GPAM: variants seen among roughly 807,000 people sequenced by gnomAD.
GPAM encodes the protein glycerol-3-phosphate acyltransferase 1, mitochondrial.
GPAM carries 56 observed loss-of-function variants against 105.0 expected under a neutral mutation model. That is an observed-to-expected ratio of 0.53 (90% CI 0.43 to 0.67). GPAM has a LOEUF of 0.67. Among genes scored for constraint, GPAM ranks in the 30% least tolerant of loss-of-function variants. The pLI is 0.00. For synonymous variants in GPAM, 368 were observed against 354.4 expected, an observed-to-expected ratio of 1.04 and a Z score of -0.43; for missense variants, 855 against 989.8, an observed-to-expected ratio of 0.86 and a Z score of 1.83.
chr10:112,168,743 C>G (rs1847262349), intron 10 of GPAM, 110 bp downstream of exon 10: 1 of 807,902 alleles, frequency 1.2e-6, no homozygotes, highest in Admixed American at 1.8e-5. Context: ...AATAATCACT[C>G]CAGTTACTCA....
At position 112,151,461 on chromosome 10, in the gene GPAM, T is replaced by C. The variant is rs1242977898; in HGVS notation, c.*2089A>G. On this transcript the variant is annotated 3_prime_UTR_variant, in exon 22 of 22. Transcript: ENST00000348367. ...TTAAAAAAGATTTTCAAAGCACCAG[T>C]TAATTACAAAAAGCATGCATATTTA... 1 of 985,666 alleles carries C rather than the reference T, an allele frequency of 1.0e-6. No homozygotes were observed. The highest frequency in any genetic ancestry group is 1.7e-5 in the African/African-American group (1 of 57,232). The allele number at this position is 985,666 out of a possible 1,614,324, so 61.1% of individuals were successfully genotyped here.
chr10:112,183,842 G>A (rs931837205), upstream of GPAM: 3 of 152,336 alleles, frequency 2.0e-5, no homozygotes, highest in Non-Finnish European at 4.4e-5. Flanking sequence ...GGCCCGGCCT[G>A]CGAGCCTCAG....
At chr10:112,197,602 G>A (rs1363408365) in intron 1 of GPAM, among the ~76,000 whole-genome samples, 1 of 149,460 alleles carries the variant, frequency 6.7e-6, no homozygotes, top group Admixed American at 6.7e-5. Context: ...TCATCATCTA[G>A]CATTAGGTAT....
chr10:112,186,056 TGAA>T (rs1429125453), upstream of GPAM, among the ~76,000 whole-genome samples: 4 of 151,442 alleles, frequency 2.6e-5, no homozygotes, highest in African/African-American at 9.7e-5. Context: ...AGTAGAAACA[TGAA>T]GAAAACCATA....
chr10:112,184,234 A>T (rs1001486179), upstream of GPAM, among the ~76,000 whole-genome samples: 1 of 152,214 alleles, frequency 6.6e-6, no homozygotes, highest in African/African-American at 2.4e-5. Context: ...AAAAGAAGCA[A>T]ATAAGGCTTG....
At chr10:112,193,615 G>A (rs919913507) in intron 1 of GPAM, among the ~76,000 whole-genome samples, 1 of 152,156 alleles carries the variant, frequency 6.6e-6, no homozygotes, top group Non-Finnish European at 1.5e-5. Context: ...TCTGTAAAGT[G>A]GCAGAAACAC....
At chr10:112,178,667 A>C (rs1395656035) in intron 4 of GPAM, among the ~76,000 whole-genome samples, 2 of 152,224 alleles carry the variant, frequency 1.3e-5, no homozygotes, top group Non-Finnish European at 2.9e-5. Flanking sequence ...GTGAAGCTAC[A>C]AGAATGTCAG....
chr10:112,190,244 G>A (rs1278214089), intron 1 of GPAM, among the ~76,000 whole-genome samples: 1 of 152,182 alleles, frequency 6.6e-6, no homozygotes, highest in Non-Finnish European at 1.5e-5. Context: ...AGGGGTGGCA[G>A]TGAAGGTGAC....
intron 19 of GPAM, chr10:112,156,364 A>C (rs1814783649): frequency 2.8e-6 from 1 of 358,772 alleles, no homozygotes; most frequent in Admixed American, 4.1e-5. Context: ...ATCACTAAAA[A>C]TAGCCGCTCC....
Position 112,154,691 on chromosome 10 carries a change from A to AAG in GPAM, c.2312-6_2312-5dup. 1 of 1,599,670 alleles carries AAG rather than the reference A, an allele frequency of 6.3e-7. No homozygotes were observed. The highest frequency in any genetic ancestry group is 8.6e-7 in the Non-Finnish European group (1 of 1,166,912). On this transcript the variant is annotated splice_region_variant and splice_polypyrimidine_tract_variant and intron_variant, in intron 20 of 21. Transcript: ENST00000348367. ...AGACAATATGTGGCACTCTCAGCTG[A>AAG]AGAGAGAGAATAAAACCCTGTCAAA...
intron 11 of GPAM, among the ~76,000 whole-genome samples, chr10:112,167,174 T>C (rs74156590): frequency 0.013 from 1,919 of 152,268 alleles, 36 homozygotes; most frequent in African/African-American, 0.045. Flanking sequence ...ACTTAATTTC[T>C]AAAGCCTCTG....
intron 14 of GPAM, among the ~76,000 whole-genome samples, chr10:112,162,850 G>A (rs1274791369): frequency 6.6e-6 from 1 of 151,866 alleles, no homozygotes; most frequent in African/African-American, 2.4e-5. Flanking sequence ...ATTATTTTTT[G>A]TATCCAGATT....
intron 1 of GPAM, among the ~76,000 whole-genome samples, chr10:112,195,676 T>G (rs1055044873): frequency 6.6e-6 from 1 of 152,262 alleles, no homozygotes; most frequent in Non-Finnish European, 1.5e-5. Context: ...TAAATGGCAT[T>G]CTTGACTTTT....
At chr10:112,217,952 G>T (rs1847987299), upstream of GPAM, among the ~76,000 whole-genome samples, 2 of 152,192 alleles carry the variant, frequency 1.3e-5, no homozygotes, top group African/African-American at 4.8e-5. Flanking sequence ...GGACTTCATT[G>T]TTTATGGAGA....
intron 17 of GPAM, among the ~76,000 whole-genome samples, chr10:112,159,310 T>A (rs74429467): frequency 0.1 from 14,048 of 140,034 alleles, 896 homozygotes; most frequent in South Asian, 0.2. Context: ...ATCCTCCGCC[T>A]CCCAGGTTCA....
Position 112,150,361 on chromosome 10 carries a change from T to C in GPAM, c.*3189A>G, listed in dbSNP as rs1846892864. On this transcript the variant is annotated 3_prime_UTR_variant, in exon 22 of 22. Transcript: ENST00000348367. ...AATTCATCCATGTATTCTGATACGT[T>C]CAGTGAAAAAGCCAGGATCATTGGG... The C allele has an allele frequency of 1.0e-6, 1 of 985,158 alleles. No homozygotes were observed. Among genetic ancestry groups the C allele is most frequent in the African/African-American group, 1.7e-5 (1 of 57,232 alleles). 61.0% of individuals were successfully genotyped at this position (985,158 alleles called of 1,614,324 possible).
rs1252344375 is a variant in GPAM, at chr10:112,190,952, T to A, written n.211-8061A>T. Among the ~76,000 whole-genome samples the A allele has an allele frequency of 2.1e-4, 32 of 152,172 alleles. 1 individual carries two copies. The highest frequency in any genetic ancestry group is 2.0e-3 in the Admixed American group (31 of 15,276). ...CTAAAATATTTGTGATATTTCTTCTTACATACACACTTGCTTCCAAGTCTT... is the reference window on the plus strand; with the variant it reads ...CTAAAATATTTGTGATATTTCTTCTAACATACACACTTGCTTCCAAGTCTT... On this transcript the variant is annotated intron_variant and non_coding_transcript_variant, in intron 1 of 3. Transcript: ENST00000480130.
chr10:112,175,554 G>A (rs529969505), intron 6 of GPAM, 46 bp downstream of exon 6: 27 of 952,460 alleles, frequency 2.8e-5, no homozygotes, highest in South Asian at 7.7e-5. Context: ...CACTCCTACC[G>A]CCCATCCCTG....
At chr10:112,186,109 A>G (rs2133276771), upstream of GPAM, among the ~76,000 whole-genome samples, 1 of 152,190 alleles carries the variant, frequency 6.6e-6, no homozygotes, top group South Asian at 2.1e-4. Flanking sequence ...AGCCACTGAT[A>G]AAGAGAAAAT....
Sources: allele counts gnomAD v4.1 joint callset (sites outside exome capture counted in the v4.1 genomes callset), GRCh38; gene constraint gnomAD v4.1.1; transcripts MANE v1.5; gene names NCBI Gene and HGNC (gene_info 2026-07-23, HGNC 2026-07-21).